CADM2: variants seen among roughly 807,000 people sequenced by gnomAD.
CADM2 encodes cell adhesion molecule 2.
Under a neutral mutation model 49.8 loss-of-function variants are expected in CADM2, and 12 were observed. That is an observed-to-expected ratio of 0.24 (90% CI 0.15 to 0.39). The LOEUF is 0.39. CADM2 is among the 10% of genes least tolerant of loss of function. CADM2 has a pLI of 1.00. For synonymous variants in CADM2, 214 were observed against 175.4 expected, an observed-to-expected ratio of 1.22 and a Z score of -1.74; for missense variants, 378 against 492.3, an observed-to-expected ratio of 0.77 and a Z score of 2.20.
chr3:86,007,268 AG>A (rs1018639929), intron 8 of CADM2, among the ~76,000 whole-genome samples: 49 of 152,128 alleles, frequency 3.2e-4, no homozygotes, highest in African/African-American at 1.2e-3. Flanking sequence ...AGATTTGATA[AG>A]GCTTATTAAA....
chr3:85,563,794 G>T (rs1170475638), intron 1 of CADM2, among the ~76,000 whole-genome samples: 1 of 152,120 alleles, frequency 6.6e-6, no homozygotes, highest in Non-Finnish European at 1.5e-5. Context: ...CCATATAAAT[G>T]ATTGTTCTGA....
At chr3:85,312,570 A>G (rs1021171859) in intron 1 of CADM2, among the ~76,000 whole-genome samples, 7 of 152,144 alleles carry the variant, frequency 4.6e-5, no homozygotes, top group Admixed American at 2.6e-4. Flanking sequence ...CTCCACTTGG[A>G]ATGTTTACAT....
At chr3:84,963,038 G>T (rs557449393) in intron 1 of CADM2, among the ~76,000 whole-genome samples, 9 of 152,164 alleles carry the variant, frequency 5.9e-5, no homozygotes, top group Non-Finnish European at 1.0e-4. Flanking sequence ...CATCCTCATC[G>T]TGTCTTTAGG....
At chr3:85,772,948 T>A (rs2070170615) in intron 2 of CADM2, among the ~76,000 whole-genome samples, 2 of 151,804 alleles carry the variant, frequency 1.3e-5, no homozygotes, top group African/African-American at 4.8e-5. Context: ...AAAAATGTGA[T>A]CATTTTGCTG....
At chr3:85,201,345 T>C (rs558132368) in intron 1 of CADM2, among the ~76,000 whole-genome samples, 1 of 152,330 alleles carries the variant, frequency 6.6e-6, no homozygotes, top group East Asian at 1.9e-4. Flanking sequence ...CATTATATTA[T>C]CTGAAAGAAT....
At position 85,584,654 on chromosome 3, in the gene CADM2, A is replaced by G. The variant is rs2107312173; in HGVS notation, c.62-141868A>G. Among the ~76,000 whole-genome samples, 2 of 152,210 alleles carry G rather than the reference A, an allele frequency of 1.3e-5. 1 individual carries two copies. Among genetic ancestry groups the G allele is most frequent in the South Asian group, 4.2e-4 (2 of 4,816 alleles). ...TTCACATGGCCAAAATTGACTTGAA[A>G]AAGAAAAGAAAAATAGGATGATATT... On this transcript the variant is annotated intron_variant, in intron 1 of 9. Coordinates refer to ENST00000383699, the MANE Select transcript of CADM2 (RefSeq NM_001167675.2).
intron 3 of CADM2, among the ~76,000 whole-genome samples, chr3:85,817,788 C>T (rs1034337865): frequency 2.6e-5 from 4 of 151,802 alleles, no homozygotes; most frequent in African/African-American, 7.3e-5. Flanking sequence ...ACTCCAGCGT[C>T]GGCGACAGAG....
chr3:85,411,820 G>T (rs2035669747), intron 1 of CADM2, among the ~76,000 whole-genome samples: 1 of 152,060 alleles, frequency 6.6e-6, no homozygotes, highest in African/African-American at 2.4e-5. Context: ...ATCATTTCAT[G>T]AACGATGTCA....
chr3:84,999,530 C>G (rs1321718924), intron 1 of CADM2, among the ~76,000 whole-genome samples: 3 of 152,092 alleles, frequency 2.0e-5, no homozygotes, highest in Non-Finnish European at 2.9e-5. Flanking sequence ...CTATTTTAAA[C>G]AGCAAAATCA....
chr3:85,486,517 A>C (rs555238145), intron 1 of CADM2, among the ~76,000 whole-genome samples: 1 of 152,276 alleles, frequency 6.6e-6, no homozygotes, highest in Non-Finnish European at 1.5e-5. Context: ...CTCTTATTTT[A>C]GATAGTCAGA....
At chr3:85,433,140 C>CT (rs67960974) in intron 1 of CADM2, among the ~76,000 whole-genome samples, 85,153 of 150,994 alleles carry the variant, frequency 0.56, 24,989 homozygotes, top group East Asian at 0.83. Context: ...TCTGAGTCCT[C>CT]TTTTTTTTTC....
chr3:85,647,206 T>C (rs2064913639), intron 1 of CADM2, among the ~76,000 whole-genome samples: 1 of 151,858 alleles, frequency 6.6e-6, no homozygotes, highest in African/African-American at 2.4e-5. Context: ...TACATTTTCT[T>C]GCTAAAACTT....
chr3:85,518,937 T>C (rs191801437), intron 1 of CADM2, among the ~76,000 whole-genome samples: 114 of 152,280 alleles, frequency 7.5e-4, no homozygotes, highest in Non-Finnish European at 1.4e-3. Context: ...TCCAGCCTAC[T>C]ACCAGGGCCA....
intron 1 of CADM2, among the ~76,000 whole-genome samples, chr3:85,323,029 A>C (rs2044657439): frequency 6.6e-6 from 1 of 152,026 alleles, no homozygotes; most frequent in South Asian, 2.1e-4. Flanking sequence ...GATATGTCTT[A>C]CTCATTTTAA....
intron 1 of CADM2, among the ~76,000 whole-genome samples, chr3:85,023,907 T>C (rs904617001): frequency 5.3e-5 from 8 of 152,088 alleles, no homozygotes; most frequent in Admixed American, 4.6e-4. Flanking sequence ...TTATTATTTA[T>C]GTTAAGATAA....
intron 5 of CADM2, among the ~76,000 whole-genome samples, chr3:85,907,357 G>A (rs560784036): frequency 5.9e-5 from 9 of 152,162 alleles, no homozygotes; most frequent in African/African-American, 2.2e-4. Flanking sequence ...TCACTGTTTG[G>A]GACACACTAA....
chr3:85,127,883 C>A (rs2107603975), intron 1 of CADM2, among the ~76,000 whole-genome samples: 1 of 152,240 alleles, frequency 6.6e-6, no homozygotes, highest in East Asian at 1.9e-4. Flanking sequence ...TGATCAAATA[C>A]AATCTACGTT....
chr3:85,941,007 C>T (rs1385691371), intron 7 of CADM2, among the ~76,000 whole-genome samples: 1 of 152,078 alleles, frequency 6.6e-6, no homozygotes, highest in Non-Finnish European at 1.5e-5. Context: ...TGTACCTACA[C>T]TGACCCATCA....
intron 2 of CADM2, among the ~76,000 whole-genome samples, chr3:85,770,730 G>A (rs1220740920): frequency 1.3e-5 from 2 of 152,088 alleles, no homozygotes; most frequent in Admixed American, 6.6e-5. Flanking sequence ...TCAAGCCATG[G>A]CACTGTAATT....
Sources: allele counts gnomAD v4.1 joint callset (sites outside exome capture counted in the v4.1 genomes callset), GRCh38; gene constraint gnomAD v4.1.1; transcripts MANE v1.5; gene names NCBI Gene and HGNC (gene_info 2026-07-23, HGNC 2026-07-21).